The following C1QTNF7 variants were observed in gnomAD, a reference collection of about 807,000 sequenced individuals.
C1QTNF7 encodes complement C1q tumor necrosis factor-related protein 7.
In C1QTNF7, 15 loss-of-function variants were observed where a neutral mutation model predicts 19.6. That is an observed-to-expected ratio of 0.76 (90% CI 0.51 to 1.18). C1QTNF7 has a LOEUF of 1.18. Among genes scored for constraint, C1QTNF7 ranks in the 50% most tolerant of loss-of-function variants. C1QTNF7 has a pLI of 0.00. For missense variants in C1QTNF7, 324 were observed against 359.7 expected (o/e 0.90, Z 0.80); for synonymous variants, 142 against 137.5 (o/e 1.03, Z -0.23).
chr4:15,396,907 C>T (rs184037111), intron 1 of C1QTNF7, among the ~76,000 whole-genome samples: 36 of 152,206 alleles, frequency 2.4e-4, no homozygotes, highest in South Asian at 8.3e-4. Context: ...TCTGTTTTCA[C>T]GCTGCTAATA....
chr4:15,351,308 C>T (rs1716927783), intron 1 of C1QTNF7, among the ~76,000 whole-genome samples: 1 of 152,126 alleles, frequency 6.6e-6, no homozygotes, highest in Non-Finnish European at 1.5e-5. Flanking sequence ...CATGAACATA[C>T]ATTAGTAAGC....
At chr4:15,439,791 A>G (rs1253055755) in intron 2 of C1QTNF7, among the ~76,000 whole-genome samples, 1 of 152,200 alleles carries the variant, frequency 6.6e-6, no homozygotes, top group Non-Finnish European at 1.5e-5. Context: ...TTTGTGAAAT[A>G]GATTTGGCCA....
At chr4:15,432,680 C>T (rs766622544) in intron 1 of C1QTNF7, among the ~76,000 whole-genome samples, 13 of 152,224 alleles carry the variant, frequency 8.5e-5, no homozygotes, top group Non-Finnish European at 1.5e-4. Context: ...CAGGCGTGAG[C>T]CATCGTGCCC....
chr4:15,374,840 C>A, intron 1 of C1QTNF7: 1 of 825,120 alleles, frequency 1.2e-6, no homozygotes, highest in Non-Finnish European at 1.5e-6. Flanking sequence ...CGTCTTTTGG[C>A]TCATGTTGGT....
intron 1 of C1QTNF7, among the ~76,000 whole-genome samples, chr4:15,414,902 A>G (rs900691791): frequency 2.0e-5 from 3 of 152,190 alleles, no homozygotes; most frequent in Non-Finnish European, 4.4e-5. Context: ...AAAATTCAAG[A>G]TGCCTTCCTT....
chr4:15,376,300 T>G (rs1717937027), intron 1 of C1QTNF7, among the ~76,000 whole-genome samples: 1 of 152,218 alleles, frequency 6.6e-6, no homozygotes, highest in South Asian at 2.1e-4. Flanking sequence ...AATGTGAAAG[T>G]AAGTTATTCA....
intron 1 of C1QTNF7, among the ~76,000 whole-genome samples, chr4:15,409,805 G>GAAATCTGTATAATAGGACCCATTTC (rs1225925644): frequency 3.3e-5 from 5 of 152,188 alleles, no homozygotes; most frequent in Admixed American, 6.5e-5. Flanking sequence ...CCACTTACCA[G>GAAATCTGTATAATAGGACCCATTTC]AGTTGTTAGG....
At chr4:15,359,577 T>G (rs563695596) in intron 1 of C1QTNF7, among the ~76,000 whole-genome samples, 1 of 152,272 alleles carries the variant, frequency 6.6e-6, no homozygotes, top group South Asian at 2.1e-4. Flanking sequence ...GGGATTGTGA[T>G]GCCACATCCC....
At chr4:15,423,912 G>C (rs1193315296), upstream of C1QTNF7, among the ~76,000 whole-genome samples, 1 of 152,094 alleles carries the variant, frequency 6.6e-6, no homozygotes, top group Non-Finnish European at 1.5e-5. Context: ...GGGTTGTCCG[G>C]CTAAACACTC....
At chr4:15,395,068 A>G (rs1718734854) in intron 1 of C1QTNF7, among the ~76,000 whole-genome samples, 1 of 152,230 alleles carries the variant, frequency 6.6e-6, no homozygotes, top group Admixed American at 6.5e-5. Flanking sequence ...ACAGGGCCAC[A>G]TGGGAAAGAG....
At chr4:15,410,777 TTC>T (rs1719375882) in intron 1 of C1QTNF7, among the ~76,000 whole-genome samples, 1 of 152,208 alleles carries the variant, frequency 6.6e-6, no homozygotes, top group Admixed American at 6.5e-5. Context: ...TGAATATGCT[TTC>T]TCTCTGGTTT....
chr4:15,435,676 G>A, intron 1 of C1QTNF7, 60 bp from the exon 2 acceptor site: 1 of 1,595,006 alleles, frequency 6.3e-7, no homozygotes, highest in Non-Finnish European at 8.6e-7. Flanking sequence ...ATTCAATCAT[G>A]CCAAACCACA....
intron 1 of C1QTNF7, among the ~76,000 whole-genome samples, chr4:15,434,873 C>A (rs188541452): frequency 5.7e-4 from 87 of 152,258 alleles, no homozygotes; most frequent in African/African-American, 2.0e-3. Context: ...AATGGGACAC[C>A]ACGACATTAT....
intron 1 of C1QTNF7, among the ~76,000 whole-genome samples, chr4:15,409,223 A>T (rs1560359997): frequency 6.6e-6 from 1 of 152,232 alleles, no homozygotes; most frequent in African/African-American, 2.4e-5. Context: ...CTGAAATATT[A>T]TTGACATAAA....
intron 1 of C1QTNF7, among the ~76,000 whole-genome samples, chr4:15,432,649 C>T (rs1712368071): frequency 6.6e-6 from 1 of 152,178 alleles, no homozygotes; most frequent in South Asian, 2.1e-4. Context: ...CCAACCTTGG[C>T]CACCCAAAGT....
At chr4:15,376,466 T>C (rs1253985048) in intron 1 of C1QTNF7, among the ~76,000 whole-genome samples, 5 of 152,230 alleles carry the variant, frequency 3.3e-5, no homozygotes, top group African/African-American at 1.2e-4. Flanking sequence ...TGTGTGAATC[T>C]GGGTTGGGTT....
At chr4:15,435,610 G>A (rs766065360) in intron 1 of C1QTNF7, 126 bp from the exon 2 acceptor site, 10 of 1,361,840 alleles carry the variant, frequency 7.3e-6, no homozygotes, top group Non-Finnish European at 1.0e-5. Context: ...TTACATGTCT[G>A]GAAAGACGAA....
Position 15,381,334 on chromosome 4 carries a change from G to A in C1QTNF7, c.13+41127G>A, listed in dbSNP as rs369770844. Among the ~76,000 whole-genome samples, 36 of 151,160 alleles carry A rather than the reference G, an allele frequency of 2.4e-4. No individual in the cohort carries two copies. The East Asian group carries it at 5.1e-3, about 21-fold the overall frequency. The stretch of plus-strand genomic sequence containing the variant: ...CGGGAGGCTGAGGCAGGAGAATGTC[G>A]TGAACCTGGGAGGCAGAGCTTGCTG... On this transcript the variant is annotated intron_variant, in intron 1 of 2. Transcript: ENST00000295297.
intron 1 of C1QTNF7, among the ~76,000 whole-genome samples, chr4:15,372,488 GCCAC>G (rs1717771958): frequency 6.6e-6 from 1 of 152,164 alleles, no homozygotes; most frequent in Non-Finnish European, 1.5e-5. Context: ...TGTTGTTTAT[GCCAC>G]CCAGTCTATG....
Sources: allele counts gnomAD v4.1 joint callset (sites outside exome capture counted in the v4.1 genomes callset), GRCh38; gene constraint gnomAD v4.1.1; transcripts MANE v1.5; gene names NCBI Gene and HGNC (gene_info 2026-07-23, HGNC 2026-07-21).